FAM117B: variants seen among roughly 807,000 people sequenced by gnomAD.
The protein encoded by FAM117B is protein FAM117B.
FAM117B carries 22 observed loss-of-function variants against 52.8 expected under a neutral mutation model. The observed-to-expected ratio is 0.42, with a 90% confidence interval of 0.30 to 0.59. FAM117B has a LOEUF of 0.59. FAM117B is among the 20% of genes least tolerant of loss of function. FAM117B has a pLI of 0.22. For missense variants in FAM117B, 678 were observed against 802.6 expected (o/e 0.84, Z 1.88); for synonymous variants, 309 against 324.1 (o/e 0.95, Z 0.50).
At position 202,646,743 on chromosome 2, in the gene FAM117B, C is replaced by T. The variant is rs528940050; in HGVS notation, c.601+10955C>T. 4.3e-4 allele frequency among the ~76,000 whole-genome samples: 65 copies of T among 152,270 alleles called. 2 individuals carry two copies. The highest frequency in any genetic ancestry group is 4.0e-3 in the Admixed American group (61 of 15,290). ...TATTCATTTTGTATGGTTTTCCTCTCTCCCCTAAGGATATCATCATTATTG... is the reference window on the plus strand; with the variant it reads ...TATTCATTTTGTATGGTTTTCCTCTTTCCCCTAAGGATATCATCATTATTG... On this transcript the variant is annotated intron_variant, in intron 1 of 7. Coordinates refer to ENST00000392238, the MANE Select transcript of FAM117B (RefSeq NM_173511.4).
intron 1 of FAM117B, among the ~76,000 whole-genome samples, chr2:202,649,524 T>C (rs1462506172): frequency 2.0e-5 from 3 of 151,668 alleles, no homozygotes; most frequent in East Asian, 1.9e-4. Flanking sequence ...TTATAAACTT[T>C]GTAATGCTTT....
chr2:202,766,825 T>C lies in FAM117B; in HGVS notation c.*1061T>C, dbSNP rs1334844490. On this transcript the variant is annotated 3_prime_UTR_variant, in exon 8 of 8. Coordinates refer to ENST00000392238, the MANE Select transcript of FAM117B (RefSeq NM_173511.4). ...TCCTCCTTTGCCCTTGTGATGTTGT[T>C]GTCTTGTGGATTTGGTTGGGCTAGT... is the stretch of plus-strand genomic sequence containing the variant. The C allele has an allele frequency of 6.6e-6, 1 of 152,340 alleles. No homozygotes were observed. Among genetic ancestry groups the C allele is most frequent in the African/African-American group, 2.4e-5 (1 of 41,464 alleles). 9.4% of individuals were successfully genotyped at this position (152,340 alleles called of 1,614,324 possible).
rs930305882 is a variant in FAM117B, at chr2:202,765,836, G to A, written c.*72G>A. ...CAGATCACTGGATTCTGATGGCATC[G>A]TGCGCTTCTGGTCGGCTGTGATGTG... On this transcript the variant is annotated 3_prime_UTR_variant, in exon 8 of 8. Coordinates refer to ENST00000392238, the MANE Select transcript of FAM117B (RefSeq NM_173511.4). 42 of 1,466,760 alleles carry A rather than the reference G, an allele frequency of 2.9e-5. No individual in the cohort carries two copies. The highest frequency in any genetic ancestry group is 3.6e-4 in the Middle Eastern group (2 of 5,592). 90.9% of individuals were successfully genotyped at this position (1,466,760 alleles called of 1,614,324 possible).
chr2:202,735,269 G>A (rs1333403270), intron 4 of FAM117B, among the ~76,000 whole-genome samples: 2 of 152,136 alleles, frequency 1.3e-5, no homozygotes, highest in East Asian at 3.9e-4. Flanking sequence ...GAGTATTTGG[G>A]GGATTCTTTG....
chr2:202,640,326 ATATATATATATATATATG>A (rs1390295505), intron 1 of FAM117B, among the ~76,000 whole-genome samples: 1 of 115,120 alleles, frequency 8.7e-6, no homozygotes, highest in African/African-American at 4.0e-5. Flanking sequence ...ATATATATAT[ATATATATATATATATATG>A]GCAAGTCGTG....
intron 2 of FAM117B, among the ~76,000 whole-genome samples, chr2:202,723,750 A>C (rs1313990384): frequency 6.6e-6 from 1 of 152,196 alleles, no homozygotes; most frequent in African/African-American, 2.4e-5. Flanking sequence ...TTTTGTACAT[A>C]AAGATGTGCA....
In FAM117B at chr2:202,663,340, G is replaced by C. The variant is rs533414553; in HGVS notation, c.601+27552G>C. Among the ~76,000 whole-genome samples the C allele has an allele frequency of 2.6e-5, 4 of 152,298 alleles. No homozygotes were observed. In the East Asian group the frequency reaches 7.7e-4, roughly 29 times the overall value. ...TGAAGATATTATGCTATGTGACTCA[G>C]CTGTGGGTAACTCTATAGTTAGTGA... On this transcript the variant is annotated intron_variant, in intron 1 of 7. Transcript: ENST00000392238.
At chr2:202,665,927 T>A (rs764821652) in intron 1 of FAM117B, among the ~76,000 whole-genome samples, 1 of 152,238 alleles carries the variant, frequency 6.6e-6, no homozygotes, top group Non-Finnish European at 1.5e-5. Context: ...GAGACCATTT[T>A]AAAATTCTGC....
At chr2:202,725,312 T>TC (rs1240522709) in intron 3 of FAM117B, 1 of 196,358 alleles carries the variant, frequency 5.1e-6, no homozygotes, top group Non-Finnish European at 1.0e-5. Context: ...TTTTTTTTTT[T>TC]TTTGGGGTGT....
intron 1 of FAM117B, among the ~76,000 whole-genome samples, chr2:202,669,617 A>G (rs1200766748): frequency 6.6e-6 from 1 of 152,348 alleles, no homozygotes; most frequent in African/African-American, 2.4e-5. Context: ...AACATGGAAC[A>G]TAACTAAGAA....
intron 2 of FAM117B, among the ~76,000 whole-genome samples, chr2:202,704,968 GAGA>G (rs1281450071): frequency 6.6e-6 from 1 of 151,992 alleles, no homozygotes; most frequent in Non-Finnish European, 1.5e-5. Flanking sequence ...TTGGAAATGG[GAGA>G]AGGATTCTGG....
chr2:202,676,442 C>T (rs952959686), intron 1 of FAM117B, among the ~76,000 whole-genome samples: 2 of 150,474 alleles, frequency 1.3e-5, no homozygotes, highest in African/African-American at 4.9e-5. Flanking sequence ...TGCAGTGGCG[C>T]TATCTCAGCT....
chr2:202,750,941 C>T (rs973321542), intron 4 of FAM117B, among the ~76,000 whole-genome samples: 2 of 151,820 alleles, frequency 1.3e-5, no homozygotes, highest in African/African-American at 4.8e-5. Flanking sequence ...AAATATCTGG[C>T]GTATATGAAA....
chr2:202,665,541 T>TGCC (rs1690189133), intron 1 of FAM117B, among the ~76,000 whole-genome samples: 1 of 152,210 alleles, frequency 6.6e-6, no homozygotes, highest in Non-Finnish European at 1.5e-5. Flanking sequence ...GCACATGATG[T>TGCC]AATCGTGGAT....
chr2:202,759,410 G>A, intron 7 of FAM117B, 57 bp downstream of exon 7: 1 of 1,580,036 alleles, frequency 6.3e-7, no homozygotes, highest in Non-Finnish European at 8.6e-7. Context: ...TTTTTTTTGA[G>A]ATAGGATCTC....
intron 2 of FAM117B, among the ~76,000 whole-genome samples, chr2:202,716,595 C>T (rs947152769): frequency 1.1e-4 from 17 of 152,132 alleles, no homozygotes; most frequent in Non-Finnish European, 2.5e-4. Flanking sequence ...TTTGAATAAA[C>T]TTTCTACCCC....
chr2:202,753,653 TAAAC>T (rs1364355211), intron 4 of FAM117B, among the ~76,000 whole-genome samples: 3 of 151,228 alleles, frequency 2.0e-5, no homozygotes, highest in East Asian at 1.9e-4. Context: ...ACAAGGAACT[TAAAC>T]AAATTTACAA....
chr2:202,667,506 GCTGT>G (rs936961017), intron 1 of FAM117B, among the ~76,000 whole-genome samples: 2 of 152,100 alleles, frequency 1.3e-5, no homozygotes, highest in Non-Finnish European at 2.9e-5. Context: ...GCGCGCATGT[GCTGT>G]CTCTTTTTCC....
At chr2:202,682,718 A>G (rs890194419) in intron 1 of FAM117B, among the ~76,000 whole-genome samples, 18 of 152,228 alleles carry the variant, frequency 1.2e-4, no homozygotes, top group African/African-American at 4.3e-4. Context: ...ACTGACCACA[A>G]CAGAATTAAA....
Sources: allele counts gnomAD v4.1 joint callset (sites outside exome capture counted in the v4.1 genomes callset), GRCh38; gene constraint gnomAD v4.1.1; transcripts MANE v1.5; gene names NCBI Gene and HGNC (gene_info 2026-07-23, HGNC 2026-07-21).